The following DGKB variants were observed in gnomAD, a reference collection of about 807,000 sequenced individuals.
DGKB encodes the protein diacylglycerol kinase beta.
In DGKB, 67 loss-of-function variants were observed where a neutral mutation model predicts 114.3. That is an observed-to-expected ratio of 0.59 (90% CI 0.48 to 0.72). The LOEUF is 0.72. Ranked by LOEUF, DGKB falls within the 30% of genes least tolerant of loss-of-function variation. The pLI is 0.00. For missense variants in DGKB, 907 were observed against 975.2 expected, an observed-to-expected ratio of 0.93 and a Z score of 0.93; for synonymous variants, 398 against 323.1, an observed-to-expected ratio of 1.23 and a Z score of -2.49.
chr7:14,959,831 T>A (rs1486698991), intron 1 of DGKB, among the ~76,000 whole-genome samples: 2 of 151,954 alleles, frequency 1.3e-5, no homozygotes, highest in Non-Finnish European at 2.9e-5. Context: ...CCTAAAAGAT[T>A]TTATCCCACT....
At chr7:14,695,880 C>T (rs190093807) in intron 8 of DGKB, among the ~76,000 whole-genome samples, 429 of 152,158 alleles carry the variant, frequency 2.8e-3, no homozygotes, top group Non-Finnish European at 5.1e-3. Flanking sequence ...ATGAGAACTA[C>T]TGAAGCCTTA....
chr7:14,866,083 C>A (rs1022579256), intron 1 of DGKB, among the ~76,000 whole-genome samples: 27 of 152,134 alleles, frequency 1.8e-4, no homozygotes, highest in Non-Finnish European at 3.2e-4. Flanking sequence ...GGAGCATAGA[C>A]TTGTTTTTTA....
intron 21 of DGKB, among the ~76,000 whole-genome samples, chr7:14,456,602 T>C (rs1832319007): frequency 6.6e-6 from 1 of 152,108 alleles, no homozygotes; most frequent in Admixed American, 6.6e-5. Context: ...GAGAAGTTAA[T>C]CACTTCTTAC....
intron 23 of DGKB, among the ~76,000 whole-genome samples, chr7:14,265,318 CTTTT>C (rs781569705): frequency 4.4e-5 from 3 of 67,732 alleles, no homozygotes; most frequent in Non-Finnish European, 7.5e-5. Flanking sequence ...CTCTTGCATT[CTTTT>C]TTTTTTTTTT....
intron 2 of DGKB, among the ~76,000 whole-genome samples, chr7:14,784,119 G>T (rs1269892202): frequency 1.3e-5 from 2 of 151,962 alleles, no homozygotes; most frequent in Admixed American, 6.6e-5. Context: ...CATTCTTGAA[G>T]TAAATATAAT....
intron 2 of DGKB, among the ~76,000 whole-genome samples, chr7:14,810,020 G>A (rs1159251819): frequency 6.6e-6 from 1 of 152,074 alleles, no homozygotes; most frequent in African/African-American, 2.4e-5. Flanking sequence ...AAACATGTTC[G>A]GATTCTGCAT....
At chr7:14,448,241 T>C (rs1830996243) in intron 21 of DGKB, among the ~76,000 whole-genome samples, 1 of 152,042 alleles carries the variant, frequency 6.6e-6, no homozygotes, top group Non-Finnish European at 1.5e-5. Context: ...AAGAGAAAGA[T>C]ACTTAGGAAA....
chr7:14,148,258 C>T lies in DGKB; in HGVS notation c.*873G>A, dbSNP rs1781693986. The T allele has an allele frequency of 6.6e-6, 1 of 152,600 alleles. No homozygotes were observed. Among genetic ancestry groups the T allele is most frequent in the South Asian group, 2.1e-4 (1 of 4,834 alleles). The allele number at this position is 152,600 out of a possible 1,614,324, so 9.5% of individuals were successfully genotyped here. On this transcript the variant is annotated 3_prime_UTR_variant, in exon 26 of 26. Coordinates refer to ENST00000402815, the MANE Select transcript of DGKB (RefSeq NM_001350709.2). ...ATTAATCACAGGAACCCTAAATTTG[C>T]TCCACAATGCTTAATTAATTATGCA...
chr7:14,815,682 G>T (rs1344243189), intron 2 of DGKB, among the ~76,000 whole-genome samples: 3 of 152,072 alleles, frequency 2.0e-5, no homozygotes, highest in Non-Finnish European at 4.4e-5. Flanking sequence ...GTTTAGTGTT[G>T]GGGATAGAGA....
chr7:14,306,310 G>A (rs1804461167), intron 23 of DGKB, among the ~76,000 whole-genome samples: 2 of 152,036 alleles, frequency 1.3e-5, no homozygotes, highest in African/African-American at 4.8e-5. Flanking sequence ...AAGTAAGAAA[G>A]GAACAAAATA....
At chr7:14,929,190 A>G (rs1784885255) in intron 1 of DGKB, among the ~76,000 whole-genome samples, 1 of 152,122 alleles carries the variant, frequency 6.6e-6, no homozygotes, top group African/African-American at 2.4e-5. Flanking sequence ...GCTGTCATCA[A>G]CATATGAGTG....
intron 1 of DGKB, among the ~76,000 whole-genome samples, chr7:14,918,567 G>A (rs998201162): frequency 1.3e-5 from 2 of 152,026 alleles, no homozygotes; most frequent in African/African-American, 2.4e-5. Flanking sequence ...AATATATACA[G>A]GATGTATATG....
intron 16 of DGKB, 148 bp downstream of exon 16, chr7:14,613,192 C>T (rs369212362): frequency 5.2e-6 from 3 of 581,114 alleles, no homozygotes; most frequent in Non-Finnish European, 9.3e-6. Flanking sequence ...AAAACAAGAT[C>T]ATATAAACAT....
intron 1 of DGKB, among the ~76,000 whole-genome samples, chr7:14,964,951 A>C (rs1787068467): frequency 6.6e-6 from 1 of 152,174 alleles, no homozygotes; most frequent in African/African-American, 2.4e-5. Context: ...AGCATAAAGA[A>C]GATAAAATAA....
At chr7:14,460,502 CAAAG>C (rs1832924659) in intron 21 of DGKB, among the ~76,000 whole-genome samples, 1 of 151,664 alleles carries the variant, frequency 6.6e-6, no homozygotes, top group South Asian at 2.1e-4. Flanking sequence ...TAAAAAAAGA[CAAAG>C]AAGGGCATGA....
rs377335665 is a variant in DGKB at position 14,176,956 on chromosome 7, A to G, written c.2244-57T>C. On this transcript the variant is annotated intron_variant, in intron 24 of 25. Coordinates refer to ENST00000402815, the MANE Select transcript of DGKB (RefSeq NM_001350709.2). ...AAGGAAATACTTTATATTACAGACT[A>G]TATGTGAGATATAAGATGATGAGAC... The G allele has an allele frequency of 1.9e-5, 31 of 1,599,888 alleles. No homozygotes were observed. In the African/African-American group the frequency reaches 3.5e-4, roughly 18 times the overall value.
chr7:14,815,787 C>T (rs893064073), intron 2 of DGKB, among the ~76,000 whole-genome samples: 1 of 152,112 alleles, frequency 6.6e-6, no homozygotes, highest in African/African-American at 2.4e-5. Flanking sequence ...AAAAAGAGGT[C>T]ATGAGGAGGT....
chr7:14,365,940 C>T (rs547191833), intron 21 of DGKB, among the ~76,000 whole-genome samples: 3 of 152,090 alleles, frequency 2.0e-5, no homozygotes, highest in East Asian at 1.9e-4. Flanking sequence ...AGGTGTGAAC[C>T]GTCTGCCCTG....
intron 1 of DGKB, among the ~76,000 whole-genome samples, 163 bp downstream of exon 1, chr7:14,902,429 A>G (rs971321438): frequency 6.6e-6 from 1 of 152,214 alleles, no homozygotes; most frequent in Non-Finnish European, 1.5e-5. Flanking sequence ...CTACTATAGC[A>G]TAACTAGGAC....
Sources: allele counts gnomAD v4.1 joint callset (sites outside exome capture counted in the v4.1 genomes callset), GRCh38; gene constraint gnomAD v4.1.1; transcripts MANE v1.5; gene names NCBI Gene and HGNC (gene_info 2026-07-23, HGNC 2026-07-21).